MAMDC2: variants seen among roughly 807,000 people sequenced by gnomAD.
MAMDC2 encodes the protein MAM domain containing 2.
MAMDC2 carries 57 observed loss-of-function variants against 89.8 expected under a neutral mutation model. The ratio of observed to expected loss-of-function variants is 0.63; its 90% confidence interval spans 0.51 to 0.79. The LOEUF (loss-of-function observed/expected upper bound fraction) is 0.79. Among genes scored for constraint, MAMDC2 ranks in the 30% least tolerant of loss-of-function variants. The pLI, the probability that MAMDC2 is intolerant of heterozygous loss-of-function variation, is 0.00. For synonymous variants in MAMDC2, 313 were observed against 293.4 expected (o/e 1.07, Z -0.68); for missense variants, 800 against 820.6 (o/e 0.97, Z 0.31).
At chr9:70,209,085 A>T (rs2033295277) in intron 11 of MAMDC2, among the ~76,000 whole-genome samples, 1 of 152,150 alleles carries the variant, frequency 6.6e-6, no homozygotes, top group South Asian at 2.1e-4. Flanking sequence ...TATTGGTCTA[A>T]AATTTGCTTT....
In MAMDC2 at chr9:70,061,950, T is replaced by C. The variant is rs3015243; in HGVS notation, c.148+17253T>C. 6.8e-3 allele frequency among the ~76,000 whole-genome samples: 1,038 copies of C among 152,266 alleles called. 16 individuals carry two copies. Among genetic ancestry groups the C allele is most frequent in the African/African-American group, 0.024 (984 of 41,552 alleles). On this transcript the variant is annotated intron_variant, in intron 2 of 13. Coordinates refer to ENST00000377182, the MANE Select transcript of MAMDC2 (RefSeq NM_153267.5). The stretch of plus-strand genomic sequence containing the variant: ...CCTGTTGTCCATCTGACCATGAAGA[T>C]GTTGATTCAGCTGTAATGGGATTCA...
chr9:70,061,462 C>G (rs1022241246), intron 2 of MAMDC2, among the ~76,000 whole-genome samples: 6 of 152,178 alleles, frequency 3.9e-5, no homozygotes, highest in Non-Finnish European at 8.8e-5. Context: ...CAGAACATAT[C>G]TTTCCCCTCC....
intron 9 of MAMDC2, among the ~76,000 whole-genome samples, chr9:70,156,374 TATAA>T (rs2031765235): frequency 6.6e-6 from 1 of 152,228 alleles, no homozygotes. Context: ...TGTAGAGATT[TATAA>T]ATAGTTGGCT....
chr9:70,162,792 C>A (rs1313231625), intron 9 of MAMDC2, among the ~76,000 whole-genome samples: 1 of 151,686 alleles, frequency 6.6e-6, no homozygotes, highest in East Asian at 1.9e-4. Flanking sequence ...CTCGTGGGTA[C>A]TTTAACCAGG....
intron 11 of MAMDC2, among the ~76,000 whole-genome samples, chr9:70,186,882 C>T (rs551619041): frequency 3.9e-5 from 6 of 152,158 alleles, no homozygotes; most frequent in South Asian, 2.1e-4. Context: ...CCAGTTCTTA[C>T]GTGAACTAAT....
At chr9:70,171,892 G>A (rs1028532825) in intron 11 of MAMDC2, 7 of 152,168 alleles carry the variant, frequency 4.6e-5, no homozygotes, top group African/African-American at 1.7e-4. Context: ...ATTTGTGTTA[G>A]GCCATATTCA....
rs1165119805 is a variant in MAMDC2, at chr9:70,126,168, T to A, written c.653T>A (p.Met218Lys). 3 of 1,569,844 alleles carry A rather than the reference T, an allele frequency of 1.9e-6. No individual in the cohort carries two copies. The highest frequency in any genetic ancestry group is 2.6e-6 in the Non-Finnish European group (3 of 1,150,026). Residue 218 changes from methionine (M) to lysine (K), a missense_variant, in exon 6 of 14, where the codon ATG becomes AAG. By Grantham distance (95) the Met-to-Lys change is moderately conservative. Coordinates refer to ENST00000377182, the MANE Select transcript of MAMDC2 (RefSeq NM_153267.5). Reference protein sequence around the residue: ...HTFKSELGHYMYVDSVYVKHF... With the variant: ...HTFKSELGHYKYVDSVYVKHF... ...TCTGTGTGATTTTCAGGCCACTACA[T>A]GTACGTGGACTCAGTTTATGTGAAG...
At chr9:70,153,596 A>C (rs1374918211) in intron 9 of MAMDC2, 1 of 152,112 alleles carries the variant, frequency 6.6e-6, no homozygotes, top group Non-Finnish European at 1.5e-5. Context: ...AAAAATCGTT[A>C]AACAGTCCAT....
chr9:70,072,572 G>A (rs1240920141), intron 2 of MAMDC2, among the ~76,000 whole-genome samples: 2 of 152,028 alleles, frequency 1.3e-5, no homozygotes, highest in African/African-American at 4.8e-5. Context: ...GCTGGACATT[G>A]GTATTATTAT....
chr9:70,111,451 T>C (rs745345628), intron 4 of MAMDC2, among the ~76,000 whole-genome samples: 3 of 152,224 alleles, frequency 2.0e-5, no homozygotes, highest in Non-Finnish European at 4.4e-5. Flanking sequence ...TCTGCCTCTC[T>C]CCATTGCTCA....
intron 11 of MAMDC2, chr9:70,194,505 A>ATC (rs1439865038): frequency 6.6e-6 from 1 of 152,134 alleles, no homozygotes; most frequent in African/African-American, 2.4e-5. Context: ...AGCCCTTGTT[A>ATC]GACAAGCAAA....
chr9:70,067,657 G>T (rs1345806265), intron 2 of MAMDC2, among the ~76,000 whole-genome samples: 4 of 152,228 alleles, frequency 2.6e-5, no homozygotes, highest in Admixed American at 2.0e-4. Context: ...TGGCTGGTAT[G>T]ATCTTACATG....
chr9:70,206,762 AATGCT>A (rs372309369), intron 11 of MAMDC2, among the ~76,000 whole-genome samples: 3 of 152,186 alleles, frequency 2.0e-5, no homozygotes, highest in African/African-American at 7.2e-5. Context: ...TATAACTCCT[AATGCT>A]ATCCTTCCTC....
intron 2 of MAMDC2, chr9:70,082,220 C>A (rs1172218048): frequency 2.0e-5 from 3 of 152,116 alleles, no homozygotes; most frequent in Admixed American, 1.3e-4. Flanking sequence ...CATAGCAAGA[C>A]CCTGTCTCTA....
chr9:70,115,586 C>A (rs193217540), intron 5 of MAMDC2, among the ~76,000 whole-genome samples: 14 of 152,246 alleles, frequency 9.2e-5, no homozygotes, highest in African/African-American at 2.9e-4. Flanking sequence ...GAACTCCTGA[C>A]CTTAGGTGAT....
intron 11 of MAMDC2, among the ~76,000 whole-genome samples, chr9:70,205,540 C>T (rs964558555): frequency 2.0e-5 from 3 of 152,140 alleles, no homozygotes; most frequent in African/African-American, 7.2e-5. Flanking sequence ...GAAAAAGAGC[C>T]CTGAGACTGG....
At chr9:70,132,196 T>A (rs935482022) in intron 7 of MAMDC2, among the ~76,000 whole-genome samples, 2 of 152,242 alleles carry the variant, frequency 1.3e-5, no homozygotes, top group African/African-American at 4.8e-5. Context: ...ATTTGATGTT[T>A]AAAATGAGAG....
intron 7 of MAMDC2, among the ~76,000 whole-genome samples, chr9:70,136,786 A>C (rs867712788): frequency 6.6e-6 from 1 of 152,196 alleles, no homozygotes; most frequent in South Asian, 2.1e-4. Context: ...TTTATTACCC[A>C]GTAGCAGAGG....
At chr9:70,212,074 C>T (rs1284571791) in intron 11 of MAMDC2, among the ~76,000 whole-genome samples, 1 of 152,232 alleles carries the variant, frequency 6.6e-6, no homozygotes, top group Non-Finnish European at 1.5e-5. Flanking sequence ...ACTTGGGGGT[C>T]AGGGACCCAC....
Sources: allele counts gnomAD v4.1 joint callset (sites outside exome capture counted in the v4.1 genomes callset), GRCh38; gene constraint gnomAD v4.1.1; transcripts MANE v1.5; gene names NCBI Gene and HGNC (gene_info 2026-07-23, HGNC 2026-07-21).